EPHA3: variants seen among roughly 807,000 people sequenced by gnomAD.
EPHA3 encodes ephrin type-A receptor 3.
A neutral mutation model predicts 107.1 loss-of-function variants in EPHA3; 42 were observed. That is an observed-to-expected ratio of 0.39 (90% CI 0.31 to 0.51). The LOEUF is 0.51. EPHA3 is among the 20% of genes least tolerant of loss of function. The pLI is 0.78. For missense variants in EPHA3, 1,183 were observed against 1,211.2 expected, an observed-to-expected ratio of 0.98 and a Z score of 0.35; for synonymous variants, 461 against 424.8, an observed-to-expected ratio of 1.09 and a Z score of -1.05.
chr3:89,248,469 T>C (rs1206970164), intron 3 of EPHA3, among the ~76,000 whole-genome samples: 5 of 152,230 alleles, frequency 3.3e-5, no homozygotes, highest in South Asian at 2.1e-4. Context: ...GAACTTTGTC[T>C]TCATTTTTAT....
At chr3:89,195,692 G>A (rs991965967) in intron 2 of EPHA3, among the ~76,000 whole-genome samples, 34 of 151,996 alleles carry the variant, frequency 2.2e-4, no homozygotes, top group African/African-American at 8.2e-4. Context: ...AACTGTCCTG[G>A]GTGTTGGGTA....
intron 2 of EPHA3, among the ~76,000 whole-genome samples, chr3:89,166,697 A>G (rs1029830625): frequency 2.0e-5 from 3 of 152,200 alleles, no homozygotes; most frequent in Admixed American, 6.5e-5. Context: ...GCATATAATT[A>G]GTTTCCAACA....
At position 89,450,498 on chromosome 3, in the gene EPHA3, A is replaced by C. The variant is rs180755522; in HGVS notation, c.2690+128A>C. On this transcript the variant is annotated intron_variant, in intron 15 of 16. Transcript: ENST00000336596. ...GCTTGTATTCCACCATATTAGAGAG[A>C]TGTATTTCCCCTTTCTTTTTTAATC... is the stretch of plus-strand genomic sequence containing the variant. 1.3e-4 allele frequency: 105 copies of C among 782,900 alleles called. No homozygotes were observed. The African/African-American group carries it at 1.8e-3, about 14-fold the overall frequency. The allele number at this position is 782,900 out of a possible 1,614,324, so 48.5% of individuals were successfully genotyped here.
chr3:89,321,172 A>ACTT (rs1707035226), intron 3 of EPHA3, among the ~76,000 whole-genome samples: 1 of 151,986 alleles, frequency 6.6e-6, no homozygotes, highest in African/African-American at 2.4e-5. Flanking sequence ...CTTTTTTTTA[A>ACTT]GGTTCTATGC....
At chr3:89,127,068 T>C (rs1220334078) in intron 1 of EPHA3, 141 bp from the exon 2 acceptor site, 2 of 639,578 alleles carry the variant, frequency 3.1e-6, no homozygotes, top group Non-Finnish European at 5.4e-6. Context: ...TCCTTCTTTT[T>C]ATCCTAATTA....
chr3:89,130,614 G>A (rs982269890), intron 2 of EPHA3, among the ~76,000 whole-genome samples: 2 of 147,526 alleles, frequency 1.4e-5, no homozygotes, highest in Non-Finnish European at 3.0e-5. Context: ...CTTGGGAGTA[G>A]TATTTCTATC....
chr3:89,338,146 T>G (rs1707434477), intron 3 of EPHA3, among the ~76,000 whole-genome samples: 1 of 152,236 alleles, frequency 6.6e-6, no homozygotes, highest in Non-Finnish European at 1.5e-5. Flanking sequence ...CTAGCTTCAC[T>G]GGTCTAAGGA....
At chr3:89,157,009 T>G (rs183426456) in intron 2 of EPHA3, among the ~76,000 whole-genome samples, 70 of 152,120 alleles carry the variant, frequency 4.6e-4, no homozygotes, top group African/African-American at 1.7e-3. Flanking sequence ...ATCCGGATAA[T>G]GTGGCAGAAA....
intron 3 of EPHA3, among the ~76,000 whole-genome samples, chr3:89,254,516 C>T (rs1705234889): frequency 6.6e-6 from 1 of 152,160 alleles, no homozygotes; most frequent in Admixed American, 6.5e-5. Flanking sequence ...CTGTGTAAAA[C>T]TCTATCTTGA....
chr3:89,339,901 C>A (rs1201538818), intron 3 of EPHA3, among the ~76,000 whole-genome samples: 1 of 152,072 alleles, frequency 6.6e-6, no homozygotes, highest in African/African-American at 2.4e-5. Context: ...TATTGACTTC[C>A]AAGGATCATC....
At chr3:89,124,784 T>G (rs1245604945) in intron 1 of EPHA3, among the ~76,000 whole-genome samples, 1 of 152,000 alleles carries the variant, frequency 6.6e-6, no homozygotes, top group African/African-American at 2.4e-5. Context: ...CAGTCAGAAG[T>G]AATGCTGCTA....
intron 3 of EPHA3, among the ~76,000 whole-genome samples, chr3:89,241,089 C>A (rs1378005364): frequency 3.3e-5 from 5 of 151,602 alleles, no homozygotes; most frequent in African/African-American, 7.3e-5. Context: ...GTGTCACCAG[C>A]CTGTTAATTT....
intron 2 of EPHA3, among the ~76,000 whole-genome samples, chr3:89,207,763 A>C: frequency 6.6e-6 from 1 of 152,236 alleles, no homozygotes; most frequent in Admixed American, 6.5e-5. Flanking sequence ...ATATATTTAA[A>C]TATTTTCTCT....
intron 2 of EPHA3, among the ~76,000 whole-genome samples, chr3:89,158,182 G>T (rs981230042): frequency 2.6e-5 from 4 of 152,038 alleles, no homozygotes; most frequent in African/African-American, 9.7e-5. Context: ...ATTATCCAAG[G>T]TTGCACAACC....
At chr3:89,453,102 A>G (rs1448789626) in intron 15 of EPHA3, among the ~76,000 whole-genome samples, 1 of 152,112 alleles carries the variant, frequency 6.6e-6, no homozygotes, top group East Asian at 1.9e-4. Context: ...AATTCACCTG[A>G]CAGTTTAACA....
At chr3:89,442,017 A>G (rs1412867020) in intron 13 of EPHA3, among the ~76,000 whole-genome samples, 2 of 152,154 alleles carry the variant, frequency 1.3e-5, no homozygotes, top group African/African-American at 2.4e-5. Context: ...TGGAGCAAGC[A>G]CTTGTATCTT....
intron 2 of EPHA3, among the ~76,000 whole-genome samples, chr3:89,205,688 C>T (rs1706084166): frequency 6.6e-6 from 1 of 152,124 alleles, no homozygotes; most frequent in Admixed American, 6.6e-5. Flanking sequence ...GTATCCCCTT[C>T]TGCTGAAGCT....
intron 3 of EPHA3, among the ~76,000 whole-genome samples, chr3:89,242,948 C>T (rs1279028341): frequency 1.6e-5 from 2 of 128,516 alleles, no homozygotes; most frequent in African/African-American, 2.9e-5. Flanking sequence ...TGTTCCCCTT[C>T]CTGTGTCCAT....
chr3:89,351,411 C>A (rs1365138577), intron 5 of EPHA3, among the ~76,000 whole-genome samples: 7 of 150,714 alleles, frequency 4.6e-5, no homozygotes, highest in East Asian at 1.9e-4. Flanking sequence ...TTCTTTGACT[C>A]GGAAAGGGAA....
Sources: allele counts gnomAD v4.1 joint callset (sites outside exome capture counted in the v4.1 genomes callset), GRCh38; gene constraint gnomAD v4.1.1; transcripts MANE v1.5; gene names NCBI Gene and HGNC (gene_info 2026-07-23, HGNC 2026-07-21).